LMTK2: variants seen among roughly 807,000 people sequenced by gnomAD.
LMTK2 encodes serine/threonine-protein kinase LMTK2.
In LMTK2, 37 loss-of-function variants were observed where a neutral mutation model predicts 127.5. That is an observed-to-expected ratio of 0.29 (90% CI 0.22 to 0.38). LMTK2 has a LOEUF of 0.38. Ranked by LOEUF, LMTK2 falls within the 10% of genes least tolerant of loss-of-function variation. The pLI is 1.00. For missense variants in LMTK2, 1,694 were observed against 1,920.3 expected, an observed-to-expected ratio of 0.88 and a Z score of 2.20; for synonymous variants, 819 against 810.1, an observed-to-expected ratio of 1.01 and a Z score of -0.19.
chr7:98,154,083 A>C (rs1796893529), intron 4 of LMTK2, among the ~76,000 whole-genome samples: 1 of 152,190 alleles, frequency 6.6e-6, no homozygotes, highest in Non-Finnish European at 1.5e-5. Flanking sequence ...GTTCAATAAA[A>C]ACCCTTATTC....
chr7:98,133,863 C>T (rs934400754), intron 1 of LMTK2, among the ~76,000 whole-genome samples: 2 of 152,102 alleles, frequency 1.3e-5, no homozygotes, highest in Non-Finnish European at 2.9e-5. Context: ...CAGTCCTTAT[C>T]CAGTTCTGTA....
At chr7:98,205,156 A>G (rs957140903) in intron 13 of LMTK2, among the ~76,000 whole-genome samples, 3 of 152,256 alleles carry the variant, frequency 2.0e-5, no homozygotes, top group Non-Finnish European at 2.9e-5. Flanking sequence ...CCTCGGCGCT[A>G]GGCTTCATTT....
At chr7:98,148,712 A>C (rs1366782790) in intron 3 of LMTK2, among the ~76,000 whole-genome samples, 3 of 152,306 alleles carry the variant, frequency 2.0e-5, no homozygotes, top group African/African-American at 7.2e-5. Context: ...TAGAAGAAAG[A>C]AAACAAAAAA....
At chr7:98,149,121 G>A (rs1425362437) in intron 3 of LMTK2, among the ~76,000 whole-genome samples, 1 of 152,236 alleles carries the variant, frequency 6.6e-6, no homozygotes, top group Non-Finnish European at 1.5e-5. Flanking sequence ...TGAGTTACGT[G>A]AAACAAAGAG....
chr7:98,108,453 T>C (rs1287919832), intron 1 of LMTK2, among the ~76,000 whole-genome samples: 1 of 152,254 alleles, frequency 6.6e-6, no homozygotes. Context: ...CAGAGCTACA[T>C]CAGGGTTTGT....
chr7:98,142,264 T>C (rs1796709815), intron 3 of LMTK2, among the ~76,000 whole-genome samples: 1 of 152,248 alleles, frequency 6.6e-6, no homozygotes, highest in Non-Finnish European at 1.5e-5. Flanking sequence ...TGACACACGC[T>C]GTGGGCTCTG....
At position 98,185,292 on chromosome 7, in the gene LMTK2, G is replaced by A. The variant is rs79265293; in HGVS notation, c.876+157G>A. On this transcript the variant is annotated intron_variant, in intron 8 of 13. Transcript: ENST00000297293. ...TTTTAATGTGGTCTAGGCTTCTGGC[G>A]TGTGGCTTGTGTAAGTCTGCGGCTT... 2.9e-3 allele frequency among the ~76,000 whole-genome samples: 436 copies of A among 152,322 alleles called. 1 individual carries two copies. The highest frequency in any genetic ancestry group is 5.4e-3 in the Non-Finnish European group (369 of 68,034).
At chr7:98,131,770 T>A (rs1796522948) in intron 1 of LMTK2, among the ~76,000 whole-genome samples, 1 of 152,214 alleles carries the variant, frequency 6.6e-6, no homozygotes, top group Non-Finnish European at 1.5e-5. Context: ...TTTCACCCAG[T>A]GGCCACAGTT....
intron 9 of LMTK2, among the ~76,000 whole-genome samples, chr7:98,189,378 C>T (rs376970483): frequency 6.6e-6 from 1 of 152,146 alleles, no homozygotes; most frequent in Admixed American, 6.5e-5. Flanking sequence ...TTGATGGGCT[C>T]TGGTGCTCTC....
chr7:98,109,775 G>A (rs1446730797), intron 1 of LMTK2, among the ~76,000 whole-genome samples: 3 of 149,682 alleles, frequency 2.0e-5, no homozygotes. Context: ...AAAGGAAGAT[G>A]CACAATCAGA....
intron 1 of LMTK2, among the ~76,000 whole-genome samples, chr7:98,115,137 G>A (rs1289521709): frequency 1.3e-5 from 2 of 152,152 alleles, no homozygotes; most frequent in Non-Finnish European, 2.9e-5. Context: ...TGTACTGCCT[G>A]GGTACAGTGG....
rs368383174 is a variant in LMTK2 at position 98,190,684 on chromosome 7, A to G, written c.999-44A>G. On this transcript the variant is annotated intron_variant, in intron 9 of 13. Coordinates refer to ENST00000297293, the MANE Select transcript of LMTK2 (RefSeq NM_014916.4). ...AACAAGTATGAGTGTTAAAAATTTG[A>G]CATCTAAAGGGAGAGAGAAACAGCC... 3 of 1,599,708 alleles carry G rather than the reference A, an allele frequency of 1.9e-6. No individual in the cohort carries two copies. The African/African-American group carries it at 4.0e-5, about 21-fold the overall frequency.
intron 3 of LMTK2, among the ~76,000 whole-genome samples, chr7:98,144,285 T>C (rs928256671): frequency 1.3e-5 from 2 of 151,890 alleles, no homozygotes; most frequent in African/African-American, 4.8e-5. Flanking sequence ...AAAAAAAAAT[T>C]AGCTGGGCAT....
intron 1 of LMTK2, among the ~76,000 whole-genome samples, chr7:98,136,137 C>T (rs1405362637): frequency 6.6e-6 from 1 of 152,142 alleles, no homozygotes; most frequent in African/African-American, 2.4e-5. Flanking sequence ...CCAGTAGTCA[C>T]CTTGGTAGAG....
At chr7:98,175,278 A>G (rs1185500088) in intron 7 of LMTK2, among the ~76,000 whole-genome samples, 1 of 152,232 alleles carries the variant, frequency 6.6e-6, no homozygotes, top group Non-Finnish European at 1.5e-5. Flanking sequence ...GGACATTCAG[A>G]ATTTCTGGAG....
At chr7:98,165,025 G>A (rs954045671) in intron 6 of LMTK2, among the ~76,000 whole-genome samples, 1 of 152,230 alleles carries the variant, frequency 6.6e-6, no homozygotes, top group African/African-American at 2.4e-5. Context: ...AAGGCAGTTC[G>A]CAGTGGAGAA....
chr7:98,151,648 A>G (rs1005701090), intron 4 of LMTK2, among the ~76,000 whole-genome samples, 193 bp downstream of exon 4: 4 of 152,368 alleles, frequency 2.6e-5, no homozygotes, highest in East Asian at 3.9e-4. Context: ...CCTTTTCCAG[A>G]AAGGATGTCT....
At chr7:98,201,113 A>G (rs896828298) in intron 11 of LMTK2, among the ~76,000 whole-genome samples, 4 of 151,632 alleles carry the variant, frequency 2.6e-5, no homozygotes, top group Admixed American at 1.3e-4. Context: ...ATCTAAGACT[A>G]TTTCACACTC....
In LMTK2 at chr7:98,137,302, T is replaced by C; in HGVS notation, c.104-13T>C. 3 of 1,596,236 alleles carry C rather than the reference T, an allele frequency of 1.9e-6. No homozygotes were observed. In the South Asian group the frequency reaches 3.4e-5, roughly 18 times the overall value. ...ATGTACATGTTTTTAATATTATTTATCTCTCTTTCCAGGGGAGGCGCCACC... is the reference window on the plus strand; with the variant it reads ...ATGTACATGTTTTTAATATTATTTACCTCTCTTTCCAGGGGAGGCGCCACC... On this transcript the variant is annotated splice_polypyrimidine_tract_variant and intron_variant, in intron 1 of 13. Coordinates refer to ENST00000297293, the MANE Select transcript of LMTK2 (RefSeq NM_014916.4).
Sources: allele counts gnomAD v4.1 joint callset (sites outside exome capture counted in the v4.1 genomes callset), GRCh38; gene constraint gnomAD v4.1.1; transcripts MANE v1.5; gene names NCBI Gene and HGNC (gene_info 2026-07-23, HGNC 2026-07-21).